The following GDAP1L1 variants were observed in gnomAD, a reference collection of about 807,000 sequenced individuals.
GDAP1L1 encodes the protein ganglioside induced differentiation associated protein 1 like 1, also known as ganglioside-induced differentiation-associated protein 1-like 1.
In GDAP1L1, 21 loss-of-function variants were observed where a neutral mutation model predicts 37.1. The observed-to-expected ratio is 0.57, with a 90% CI of 0.40 to 0.81. The LOEUF (loss-of-function observed/expected upper bound fraction) is 0.81, where lower values mean the gene tolerates loss of function less well. Ranked by LOEUF, GDAP1L1 falls within the 40% of genes least tolerant of loss-of-function variation. The pLI, the probability that GDAP1L1 is intolerant of heterozygous loss-of-function variation, is 0.00. For synonymous variants in GDAP1L1, 193 were observed against 209.1 expected (o/e 0.92, Z 0.67); for missense variants, 362 against 491.6 (o/e 0.74, Z 2.49).
intron 2 of GDAP1L1, 77 bp from the exon 3 acceptor site, chr20:44,258,357 C>A: frequency 1.4e-6 from 2 of 1,405,686 alleles, no homozygotes; most frequent in Non-Finnish European, 2.0e-6. Context: ...CATCTTGGGG[C>A]TCAGGGATGC....
At chr20:44,264,312 G>A (rs2073726361) in intron 4 of GDAP1L1, 133 bp from the exon 5 acceptor site, 1 of 1,230,230 alleles carries the variant, frequency 8.1e-7, no homozygotes, top group Non-Finnish European at 1.0e-6. Flanking sequence ...CATAACGGGG[G>A]GGCATCCTAT....
chr20:44,269,017 G>A (rs2146037558), intron 5 of GDAP1L1, among the ~76,000 whole-genome samples: 1 of 152,288 alleles, frequency 6.6e-6, no homozygotes, highest in South Asian at 2.1e-4. Context: ...TATGGGCTGG[G>A]CTCAGCTGGG....
intron 1 of GDAP1L1, among the ~76,000 whole-genome samples, chr20:44,254,102 C>T (rs947109015): frequency 3.3e-5 from 5 of 152,248 alleles, no homozygotes; most frequent in African/African-American, 1.2e-4. Context: ...AGCCAAACTC[C>T]AGTCTCCACT....
intron 5 of GDAP1L1, among the ~76,000 whole-genome samples, chr20:44,269,046 A>G (rs766632700): frequency 6.6e-5 from 10 of 152,190 alleles, no homozygotes; most frequent in Non-Finnish European, 1.0e-4. Flanking sequence ...CCTCTCACAC[A>G]TGGGGAGCGG....
chr20:44,275,241 G>A (rs552353708), intron 5 of GDAP1L1, among the ~76,000 whole-genome samples: 3 of 152,172 alleles, frequency 2.0e-5, no homozygotes, highest in Non-Finnish European at 4.4e-5. Flanking sequence ...CTTCTGATGA[G>A]AGCCTTCATT....
Position 44,257,167 on chromosome 20 carries a change from C to G in GDAP1L1, c.195C>G (p.Ile65Met), listed in dbSNP as rs141524592. 1.9e-6 allele frequency: 3 copies of G among 1,593,216 alleles called. No homozygotes were observed. The African/African-American group carries it at 4.0e-5, about 21-fold the overall frequency. Reference sequence around the variant, plus strand: ...GGCGCCTGCAGGTGCGGCTGGTGATCGCCGAGAAGGGCCTGGTGTGCGAGG... The same window carrying G: ...GGCGCCTGCAGGTGCGGCTGGTGATGGCCGAGAAGGGCCTGGTGTGCGAGG... ...SFSSQKVRLV[I>M]AEKGLVCEER... Residue 65 changes from isoleucine to methionine, a missense_variant, in exon 2 of 6, where the codon ATC becomes ATG. Around this residue, in one of 2 missense-constraint regions of GDAP1L1, gnomAD observed 277 missense variants for 337.1 expected, o/e 0.82. Transcript: ENST00000342560.
chr20:44,265,045 T>C lies in GDAP1L1; in HGVS notation c.760+486T>C, dbSNP rs563226645. 26 of 985,368 alleles carry C rather than the reference T, an allele frequency of 2.6e-5. No homozygotes were observed. The South Asian group carries it at 8.0e-4, about 30-fold the overall frequency. The allele number at this position is 985,368 out of a possible 1,614,324, so 61.0% of individuals were successfully genotyped here. A position where few individuals can be genotyped will look rare whatever the true frequency, so the allele number is the denominator to read the frequency against. ...TATGTCCCGAACAGAGACATCATCATGCATACTGAATACTCGGTTGCTCCC... is the reference window on the plus strand; with the variant it reads ...TATGTCCCGAACAGAGACATCATCACGCATACTGAATACTCGGTTGCTCCC... On this transcript the variant is annotated intron_variant, in intron 5 of 5. Transcript: ENST00000342560.
Position 44,247,424 on chromosome 20 carries a change from C to A in GDAP1L1, c.90C>A (p.Ala30=), listed in dbSNP as rs534476167. ...LESDAAKPAE[A]PDAPEAASPA... ...GCGATGCGGCCAAGCCAGCGGAGGC[C>A]CCCGACGCTCCCGAGGCGGCCAGCC... Residue 30 remains alanine (A), a synonymous_variant, in exon 1 of 6, where the codon GCC becomes GCA. Coordinates refer to ENST00000342560, the MANE Select transcript of GDAP1L1 (RefSeq NM_024034.6). 1.2e-6 allele frequency: 2 copies of A among 1,610,564 alleles called. No homozygotes were observed. The highest frequency in any genetic ancestry group is 2.7e-5 in the African/African-American group (2 of 74,974).
intron 5 of GDAP1L1, among the ~76,000 whole-genome samples, chr20:44,271,697 A>G (rs757542205): frequency 2.0e-5 from 3 of 152,078 alleles, no homozygotes; most frequent in African/African-American, 4.8e-5. Flanking sequence ...GAGATGTACA[A>G]ATGTGTTCTC....
intron 3 of GDAP1L1, among the ~76,000 whole-genome samples, chr20:44,261,359 G>A (rs921084767): frequency 6.6e-6 from 1 of 152,232 alleles, no homozygotes; most frequent in African/African-American, 2.4e-5. Context: ...TAGCCCTGAA[G>A]CTGAATGATC....
chr20:44,263,364 C>T (rs373597870), intron 4 of GDAP1L1, 37 bp downstream of exon 4: 63 of 1,338,200 alleles, frequency 4.7e-5, no homozygotes, highest in African/African-American at 1.0e-4. Context: ...CCCTTCCCTA[C>T]GAGCTCTTCC....
At position 44,279,920 on chromosome 20, in the gene GDAP1L1, C is replaced by T. The variant is rs1297547299; in HGVS notation, c.*620C>T. 2 of 384,760 alleles carry T rather than the reference C, an allele frequency of 5.2e-6. No individual in the cohort carries two copies. Among genetic ancestry groups the T allele is most frequent in the Admixed American group, 6.6e-5 (2 of 30,424 alleles). The allele number at this position is 384,760 out of a possible 1,614,324, so 23.8% of individuals were successfully genotyped here. On this transcript the variant is annotated 3_prime_UTR_variant, in exon 6 of 6. Coordinates refer to ENST00000342560, the MANE Select transcript of GDAP1L1 (RefSeq NM_024034.6). ...CTGCAGTGGGGACGGATACCATGAG[C>T]ACACCCTCTCATTGTCCTTCTGATT...
intron 5 of GDAP1L1, among the ~76,000 whole-genome samples, chr20:44,269,878 C>A (rs1212404109): frequency 1.3e-5 from 2 of 152,116 alleles, no homozygotes; most frequent in Non-Finnish European, 2.9e-5. Context: ...TTGCAGTGAG[C>A]CAAGATTGTG....
At chr20:44,267,606 G>C (rs1342305621) in intron 5 of GDAP1L1, among the ~76,000 whole-genome samples, 2 of 146,228 alleles carry the variant, frequency 1.4e-5, no homozygotes, top group African/African-American at 5.0e-5. Flanking sequence ...GCAAGACTCT[G>C]TCTCAAAGAG....
At position 44,279,118 on chromosome 20, in the gene GDAP1L1, C is replaced by T. The variant is rs1485425206; in HGVS notation, c.922C>T (p.Arg308Cys). 9 of 1,614,054 alleles carry T rather than the reference C, an allele frequency of 5.6e-6. No homozygotes were observed. The highest frequency in any genetic ancestry group is 1.3e-5 in the African/African-American group (1 of 74,922). Residue 308 changes from arginine (R) to cysteine (C), a missense_variant, in exon 6 of 6, where the codon CGC becomes TGC. Arg to Cys is a radical substitution (Grantham distance 180). This residue lies in a region of GDAP1L1 where 85 missense variants were observed against 154.4 expected (regional missense o/e 0.55). Coordinates refer to ENST00000342560, the MANE Select transcript of GDAP1L1 (RefSeq NM_024034.6). ...LQSFFERVQR[R>C]FAFRKVLGDI... Reference sequence around the variant, plus strand: ...GTCCTTCTTTGAGAGGGTCCAGAGACGCTTTGCCTTCCGGAAAGTCCTGGG... The same window carrying T: ...GTCCTTCTTTGAGAGGGTCCAGAGATGCTTTGCCTTCCGGAAAGTCCTGGG...
At chr20:44,250,820 C>A (rs1213707485) in intron 1 of GDAP1L1, among the ~76,000 whole-genome samples, 1 of 152,074 alleles carries the variant, frequency 6.6e-6, no homozygotes, top group African/African-American at 2.4e-5. Context: ...AGAATGAGGC[C>A]AGGAGGGGCA....
intron 1 of GDAP1L1, among the ~76,000 whole-genome samples, chr20:44,252,822 C>CA (rs3091993): frequency 0.047 from 5,720 of 123,008 alleles, 151 homozygotes; most frequent in African/African-American, 0.067. Context: ...GACCCTGTCT[C>CA]AAAAAAAAAA....
intron 5 of GDAP1L1, among the ~76,000 whole-genome samples, chr20:44,271,502 C>T (rs531581601): frequency 2.0e-5 from 3 of 152,200 alleles, no homozygotes; most frequent in Middle Eastern, 3.4e-3. Flanking sequence ...GCGGTGACCT[C>T]GCCAGAAGCA....
intron 1 of GDAP1L1, among the ~76,000 whole-genome samples, chr20:44,254,820 A>G (rs2073508725): frequency 6.6e-6 from 1 of 152,172 alleles, no homozygotes; most frequent in Non-Finnish European, 1.5e-5. Flanking sequence ...TCCACCAAAC[A>G]GGAGGAGGTG....
Sources: gnomAD v4.1 joint callset for allele counts (sites outside exome capture counted in the v4.1 genomes callset) on GRCh38, gnomAD v4.1.1 for gene constraint, gnomAD v4.1.1 regional missense constraint, MANE v1.5 for transcripts, NCBI Gene and HGNC (gene_info 2026-07-23, HGNC 2026-07-21) for gene names.